RPTOR: variants seen among roughly 807,000 people sequenced by gnomAD.
The protein encoded by RPTOR is regulatory associated protein of MTOR complex 1.
RPTOR carries 21 observed loss-of-function variants against 169.9 expected under a neutral mutation model. That is an observed-to-expected ratio of 0.12 (90% CI 0.09 to 0.18). The LOEUF is 0.18. Among genes scored for constraint, RPTOR ranks in the 10% least tolerant of loss-of-function variants. RPTOR has a pLI of 1.00. For missense variants in RPTOR, 1,133 were observed against 1,855.9 expected, an observed-to-expected ratio of 0.61 and a Z score of 7.16; for synonymous variants, 732 against 753.2, an observed-to-expected ratio of 0.97 and a Z score of 0.46.
At chr17:80,634,470 GTGTGCATACTGTGTGTGCA>G (rs2065477317) in intron 2 of RPTOR, among the ~76,000 whole-genome samples, 1 of 144,674 alleles carries the variant, frequency 6.9e-6, no homozygotes. Context: ...TAGTGTGTGC[GTGTGCATACTGTGTGTGCA>G]TACTGTGTGT....
At chr17:80,653,332 C>A (rs759519962) in intron 3 of RPTOR, among the ~76,000 whole-genome samples, 1 of 152,136 alleles carries the variant, frequency 6.6e-6, no homozygotes, top group African/African-American at 2.4e-5. Context: ...CCTTTGAGCT[C>A]AGGAGTTGGA....
At chr17:80,779,149 C>T (rs1174344602) in intron 6 of RPTOR, among the ~76,000 whole-genome samples, 2 of 152,230 alleles carry the variant, frequency 1.3e-5, no homozygotes, top group Non-Finnish European at 2.9e-5. Flanking sequence ...AGACCCCAAG[C>T]TGAATGGTCC....
intron 1 of RPTOR, among the ~76,000 whole-genome samples, chr17:80,625,058 G>A (rs750250154): frequency 5.9e-5 from 9 of 152,160 alleles, no homozygotes; most frequent in Non-Finnish European, 1.3e-4. Flanking sequence ...AGGTGACCCG[G>A]GGGAGGGGAA....
intron 21 of RPTOR, 47 bp from the exon 22 acceptor site, chr17:80,922,677 G>A (rs760946517): frequency 1.5e-5 from 22 of 1,467,232 alleles, no homozygotes; most frequent in African/African-American, 2.8e-5. Context: ...CGGCCTCCGC[G>A]GAGCACGTCC....
intron 3 of RPTOR, among the ~76,000 whole-genome samples, chr17:80,663,685 A>G (rs558300292): frequency 6.6e-6 from 1 of 152,270 alleles, no homozygotes; most frequent in African/African-American, 2.4e-5. Context: ...TTTACACATT[A>G]CTGGGCTTAA....
intron 1 of RPTOR, among the ~76,000 whole-genome samples, chr17:80,612,804 G>C (rs2065280461): frequency 2.0e-5 from 3 of 152,172 alleles, no homozygotes; most frequent in African/African-American, 7.2e-5. Flanking sequence ...GGAGGTTGAG[G>C]CTGCAGTGAA....
chr17:80,929,497 C>T (rs2068849410), intron 24 of RPTOR, among the ~76,000 whole-genome samples: 1 of 152,228 alleles, frequency 6.6e-6, no homozygotes, highest in Non-Finnish European at 1.5e-5. Context: ...CTTTAAGAGT[C>T]GATACGCTGT....
At chr17:80,702,710 T>C (rs9894952) in intron 3 of RPTOR, among the ~76,000 whole-genome samples, 40,449 of 152,190 alleles carry the variant, frequency 0.27, 7,445 homozygotes, top group African/African-American at 0.53. Flanking sequence ...CGCAGCCCCA[T>C]GGGATAAGAC....
At chr17:80,784,347 G>T (rs994212416) in intron 6 of RPTOR, among the ~76,000 whole-genome samples, 4 of 152,108 alleles carry the variant, frequency 2.6e-5, no homozygotes, top group African/African-American at 7.2e-5. Flanking sequence ...TAACCTGCTG[G>T]ATTAAATGAA....
At chr17:80,883,617 G>A in intron 15 of RPTOR, 133 bp downstream of exon 15, 1 of 1,186,400 alleles carries the variant, frequency 8.4e-7, no homozygotes, top group African/African-American at 1.5e-5. Context: ...CATCTAGCCA[G>A]CCATTTGCAG....
chr17:80,590,176 G>C (rs2065092770), intron 1 of RPTOR, among the ~76,000 whole-genome samples: 1 of 152,262 alleles, frequency 6.6e-6, no homozygotes, highest in Admixed American at 6.5e-5. Flanking sequence ...GCATGGTAAA[G>C]TAGGCATGCA....
intron 6 of RPTOR, among the ~76,000 whole-genome samples, chr17:80,755,213 T>C (rs558948671): frequency 1.6e-4 from 24 of 152,322 alleles, no homozygotes; most frequent in African/African-American, 5.5e-4. Context: ...TCACATTAAC[T>C]GTCCCTAGGC....
chr17:80,852,919 C>T (rs1406321494), intron 11 of RPTOR, among the ~76,000 whole-genome samples: 4 of 152,158 alleles, frequency 2.6e-5, no homozygotes, highest in Admixed American at 2.0e-4. Flanking sequence ...GTCCCTTTCC[C>T]CTGCCTCTCT....
In RPTOR at chr17:80,936,995, G is replaced by A. The variant is rs1159666093; in HGVS notation, c.2920-3501G>A. Among the ~76,000 whole-genome samples the A allele has an allele frequency of 4.6e-5, 7 of 152,120 alleles. No individual in the cohort carries two copies. Among genetic ancestry groups the A allele is most frequent in the African/African-American group, 1.7e-4 (7 of 41,414 alleles). On this transcript the variant is annotated intron_variant, in intron 24 of 33. Coordinates refer to ENST00000306801, the MANE Select transcript of RPTOR (RefSeq NM_020761.3). This position sits in a 1 kb window ranked among gnomAD's most constrained non-coding sequence, Gnocchi z 4.1. Reference sequence around the variant, plus strand: ...CACGACGCACACCACTACCTCTTCCGCCTCTTCCTCTGCTGCCTCTGTCCA... The same window carrying A: ...CACGACGCACACCACTACCTCTTCCACCTCTTCCTCTGCTGCCTCTGTCCA...
chr17:80,734,799 A>G (rs140713850), intron 5 of RPTOR, among the ~76,000 whole-genome samples: 72 of 152,324 alleles, frequency 4.7e-4, no homozygotes, highest in Non-Finnish European at 9.8e-4. Flanking sequence ...CTGTGGCTCC[A>G]AGACATTCGG....
chr17:80,714,745 G>A lies in RPTOR; in HGVS notation c.507+6746G>A, dbSNP rs115148337. On this transcript the variant is annotated intron_variant, in intron 4 of 33. Transcript: ENST00000306801. ...AAATGAAAATCTGTTTTTTTGAAAC[G>A]GAGTCTCTCGCTCTGTCGCCCAGGC... Among the ~76,000 whole-genome samples, 7 of 151,906 alleles carry A rather than the reference G, an allele frequency of 4.6e-5. No individual in the cohort carries two copies. In the South Asian group the frequency reaches 1.2e-3, roughly 27 times the overall value.
Position 80,964,252 on chromosome 17 carries a change from C to T in RPTOR, c.3940-10C>T, listed in dbSNP as rs916497195. The T allele has an allele frequency of 1.9e-6, 3 of 1,602,410 alleles. No individual in the cohort carries two copies. Among genetic ancestry groups the T allele is most frequent in the African/African-American group, 2.7e-5 (2 of 74,922 alleles). ...CTGAACCCCTGCTCACCCCTTCTCTCTCCTTGCAGCCTCACCTGGCCGTGG... is the reference window on the plus strand; with the variant it reads ...CTGAACCCCTGCTCACCCCTTCTCTTTCCTTGCAGCCTCACCTGGCCGTGG... On this transcript the variant is annotated splice_polypyrimidine_tract_variant and intron_variant, in intron 33 of 33. Transcript: ENST00000306801.
In RPTOR at chr17:80,820,038, C is replaced by T. The variant is rs1209914787; in HGVS notation, c.891-2163C>T. Among the ~76,000 whole-genome samples, 5 of 152,162 alleles carry T rather than the reference C, an allele frequency of 3.3e-5. No individual in the cohort carries two copies. Among genetic ancestry groups the T allele is most frequent in the Non-Finnish European group, 7.3e-5 (5 of 68,036 alleles). Reference sequence around the variant, plus strand: ...TCTGCCCTCATAGTTTGACTAACTCCAGATATGTTGAGAGAGGAGAGAACC... The same window carrying T: ...TCTGCCCTCATAGTTTGACTAACTCTAGATATGTTGAGAGAGGAGAGAACC... On this transcript the variant is annotated intron_variant, in intron 7 of 33. Coordinates refer to ENST00000306801, the MANE Select transcript of RPTOR (RefSeq NM_020761.3). This position sits in a 1 kb window ranked among gnomAD's most constrained non-coding sequence, Gnocchi z 4.1.
intron 6 of RPTOR, among the ~76,000 whole-genome samples, chr17:80,771,687 C>A (rs908387728): frequency 1.5e-4 from 23 of 151,498 alleles, no homozygotes; most frequent in African/African-American, 5.6e-4. Flanking sequence ...CCTGCTGCCT[C>A]CATTCAGACT....
Sources: allele counts gnomAD v4.1 joint callset (sites outside exome capture counted in the v4.1 genomes callset), GRCh38; gene constraint gnomAD v4.1.1; non-coding constraint Gnocchi (gnomAD v3.1); transcripts MANE v1.5; gene names NCBI Gene and HGNC (gene_info 2026-07-23, HGNC 2026-07-21).